CTIF: variants seen among roughly 807,000 people sequenced by gnomAD.
CTIF encodes CBP80/20-dependent translation initiation factor.
A neutral mutation model predicts 66.0 loss-of-function variants in CTIF; 21 were observed. That is an observed-to-expected ratio of 0.32 (90% CI 0.23 to 0.46). The LOEUF is 0.46. Ranked by LOEUF, CTIF falls within the 20% of genes least tolerant of loss-of-function variation. The pLI is 1.00. For missense variants in CTIF, 739 were observed against 812.7 expected (o/e 0.91, Z 1.10); for synonymous variants, 345 against 326.4 (o/e 1.06, Z -0.62).
chr18:48,797,498 G>A (rs540904952), intron 9 of CTIF, among the ~76,000 whole-genome samples: 109 of 147,542 alleles, frequency 7.4e-4, no homozygotes, highest in South Asian at 1.3e-3. Context: ...GAAAAGGGGT[G>A]GGGGGGCAAG....
chr18:48,594,383 C>G (rs1169054663), intron 1 of CTIF, among the ~76,000 whole-genome samples: 1 of 143,570 alleles, frequency 7.0e-6, no homozygotes, highest in Non-Finnish European at 1.5e-5. Flanking sequence ...CCTGCTTGCT[C>G]CAGGCCCCAC....
chr18:48,573,617 A>AT (rs1055764730), intron 1 of CTIF, among the ~76,000 whole-genome samples: 8 of 152,166 alleles, frequency 5.3e-5, no homozygotes, highest in African/African-American at 1.9e-4. Context: ...AATCCCTCTA[A>AT]TTAGATGATG....
chr18:48,738,680 C>T (rs1011597735), intron 7 of CTIF, among the ~76,000 whole-genome samples: 8 of 152,216 alleles, frequency 5.3e-5, no homozygotes, highest in Admixed American at 2.0e-4. Context: ...AGGGGTGCCC[C>T]CACCATACAC....
intron 7 of CTIF, among the ~76,000 whole-genome samples, chr18:48,753,521 C>A (rs1908038979): frequency 6.6e-6 from 1 of 151,740 alleles, no homozygotes; most frequent in Non-Finnish European, 1.5e-5. Flanking sequence ...TAAAACAAGA[C>A]ATCTGATTTC....
At chr18:48,821,080 G>A (rs1054241375) in intron 10 of CTIF, among the ~76,000 whole-genome samples, 1 of 152,132 alleles carries the variant, frequency 6.6e-6, no homozygotes, top group African/African-American at 2.4e-5. Context: ...TGAAACTTTG[G>A]AGTCATCTCT....
At chr18:48,591,902 C>T (rs1228146588) in intron 1 of CTIF, among the ~76,000 whole-genome samples, 1 of 152,222 alleles carries the variant, frequency 6.6e-6, no homozygotes, top group African/African-American at 2.4e-5. Context: ...CATGCACCAC[C>T]ATGCCCAGCT....
At chr18:48,786,858 C>A (rs1452671828) in intron 9 of CTIF, among the ~76,000 whole-genome samples, 1 of 151,684 alleles carries the variant, frequency 6.6e-6, no homozygotes, top group Non-Finnish European at 1.5e-5. Flanking sequence ...CCCCCACCCA[C>A]CCCCAGTCAA....
chr18:48,589,991 T>C (rs1174181594), intron 1 of CTIF, among the ~76,000 whole-genome samples: 6 of 152,346 alleles, frequency 3.9e-5, no homozygotes, highest in Middle Eastern at 3.4e-3. Flanking sequence ...CCTGCTTTCC[T>C]TTACAGGCGA....
intron 1 of CTIF, among the ~76,000 whole-genome samples, chr18:48,599,561 G>A (rs576681744): frequency 1.5e-3 from 226 of 152,202 alleles, no homozygotes; most frequent in Non-Finnish European, 2.5e-3. Context: ...GAGCAATCCC[G>A]GGTTATTACA....
intron 9 of CTIF, among the ~76,000 whole-genome samples, chr18:48,794,868 C>G (rs1204907376): frequency 6.6e-6 from 1 of 152,072 alleles, no homozygotes; most frequent in East Asian, 1.9e-4. Context: ...AGGAGGCCCA[C>G]AAGCATCTGT....
chr18:48,641,203 G>T (rs1272067824), intron 3 of CTIF, among the ~76,000 whole-genome samples: 2 of 152,226 alleles, frequency 1.3e-5, no homozygotes, highest in Non-Finnish European at 2.9e-5. Context: ...GTTGGCATGG[G>T]ATTTAGAATT....
intron 7 of CTIF, among the ~76,000 whole-genome samples, chr18:48,738,515 G>A (rs983367523): frequency 2.0e-5 from 3 of 152,150 alleles, no homozygotes; most frequent in Admixed American, 6.5e-5. Context: ...GTTCCACCTC[G>A]GGGACTTTGC....
intron 7 of CTIF, among the ~76,000 whole-genome samples, chr18:48,719,819 A>G (rs1264695506): frequency 6.6e-6 from 1 of 152,206 alleles, no homozygotes; most frequent in Non-Finnish European, 1.5e-5. Context: ...AGTGCCGTCT[A>G]CTGTTCTTAA....
intron 10 of CTIF, among the ~76,000 whole-genome samples, chr18:48,846,753 GA>G (rs968981784): frequency 6.0e-5 from 9 of 150,516 alleles, no homozygotes; most frequent in African/African-American, 2.2e-4. Flanking sequence ...ATGAGTAGGT[GA>G]GTAGATGGAT....
chr18:48,699,568 G>C (rs2092054798), intron 6 of CTIF, among the ~76,000 whole-genome samples: 2 of 152,172 alleles, frequency 1.3e-5, no homozygotes, highest in South Asian at 4.1e-4. Context: ...CCACATTCTA[G>C]GATGGTTTTG....
At chr18:48,600,713 C>G (rs759892718) in intron 1 of CTIF, among the ~76,000 whole-genome samples, 2 of 152,098 alleles carry the variant, frequency 1.3e-5, no homozygotes, top group Admixed American at 6.5e-5. Context: ...ATAAATCAGA[C>G]TGGAATGCTG....
intron 7 of CTIF, among the ~76,000 whole-genome samples, chr18:48,735,109 G>A (rs925104906): frequency 1.3e-5 from 2 of 152,136 alleles, no homozygotes; most frequent in Admixed American, 6.5e-5. Context: ...GTGTGTGTGT[G>A]TGTGTGTGAT....
chr18:48,636,728 C>T, intron 3 of CTIF, 43 bp downstream of exon 3: 1 of 1,464,608 alleles, frequency 6.8e-7, no homozygotes, highest in Non-Finnish European at 9.1e-7. Context: ...TGTCCTATGT[C>T]TTGTCTGCCT....
intron 6 of CTIF, among the ~76,000 whole-genome samples, chr18:48,685,328 T>A (rs2145197138): frequency 6.6e-6 from 1 of 152,258 alleles, no homozygotes; most frequent in East Asian, 1.9e-4. Flanking sequence ...GTTCAAGTGA[T>A]TCTCATGCCT....
Sources: allele counts gnomAD v4.1 joint callset (sites outside exome capture counted in the v4.1 genomes callset), GRCh38; gene constraint gnomAD v4.1.1; transcripts MANE v1.5; gene names NCBI Gene and HGNC (gene_info 2026-07-23, HGNC 2026-07-21).